Variants in CENPW observed in about 807,000 individuals in gnomAD.
The protein encoded by CENPW is cancer-up-regulated gene 2 protein.
Under a neutral mutation model 11.1 loss-of-function variants are expected in CENPW, and 3 were observed. That is an observed-to-expected ratio of 0.27 (90% CI 0.12 to 0.70). The LOEUF is 0.70. CENPW is among the 30% of genes least tolerant of loss of function. CENPW has a pLI of 0.77. For missense variants in CENPW, 100 were observed against 105.6 expected (o/e 0.95, Z 0.23); for synonymous variants, 38 against 42.0 (o/e 0.91, Z 0.37).
At chr6:126,374,120 A>T in the CENPW span, among the ~76,000 whole-genome samples, 1 of 152,156 alleles carries the variant, frequency 6.6e-6, no homozygotes, top group Non-Finnish European at 1.5e-5. Context: ...CTCTGTTGGG[A>T]AGAACAGCAT....
chr6:126,381,322 A>G, the CENPW span, among the ~76,000 whole-genome samples: 1 of 152,192 alleles, frequency 6.6e-6, no homozygotes, highest in Non-Finnish European at 1.5e-5. Flanking sequence ...TTACTAGGCA[A>G]GAGAACCTTA....
the CENPW span, among the ~76,000 whole-genome samples, chr6:126,413,243 A>G: frequency 3.3e-5 from 5 of 152,188 alleles, no homozygotes; most frequent in Non-Finnish European, 7.4e-5. Flanking sequence ...AAATCTCAAA[A>G]TAGATTCAAC....
the CENPW span, among the ~76,000 whole-genome samples, chr6:126,455,935 A>G: frequency 2.6e-5 from 4 of 151,270 alleles, no homozygotes; most frequent in African/African-American, 9.7e-5. Flanking sequence ...ACAGTGTCCT[A>G]GCTGAGAGTC....
the CENPW span, among the ~76,000 whole-genome samples, chr6:126,356,943 T>C: frequency 6.6e-6 from 1 of 152,222 alleles, no homozygotes; most frequent in Admixed American, 6.5e-5. Context: ...TTTTTAGTTT[T>C]AATTAGGTCC....
At chr6:126,370,062 G>C in the CENPW span, among the ~76,000 whole-genome samples, 1 of 152,120 alleles carries the variant, frequency 6.6e-6, no homozygotes, top group Admixed American at 6.5e-5. Context: ...TGTTTGCTGT[G>C]TCAAAGATCA....
chr6:126,471,298 ACTCT>A, the CENPW span, among the ~76,000 whole-genome samples: 1 of 149,816 alleles, frequency 6.7e-6, no homozygotes, highest in African/African-American at 2.5e-5. Flanking sequence ...CCCTGCATGC[ACTCT>A]CTCTCTCTCC....
At chr6:126,362,715 C>T in the CENPW span, among the ~76,000 whole-genome samples, 2 of 152,106 alleles carry the variant, frequency 1.3e-5, no homozygotes, top group African/African-American at 4.8e-5. Flanking sequence ...TGTTGATAAC[C>T]TTTCTAAGTC....
At chr6:126,395,170 C>T in the CENPW span, among the ~76,000 whole-genome samples, 2 of 152,002 alleles carry the variant, frequency 1.3e-5, no homozygotes, top group African/African-American at 2.4e-5. Context: ...CTTATATTTG[C>T]CCTTTTGAGG....
the CENPW span, among the ~76,000 whole-genome samples, chr6:126,408,376 A>G: frequency 6.6e-6 from 1 of 152,138 alleles, no homozygotes; most frequent in Non-Finnish European, 1.5e-5. Flanking sequence ...AGACAAGAGA[A>G]TGTGTGTAGG....
Position 126,346,300 on chromosome 6 carries a change from T to C in CENPW, c.222T>C (p.His74=), listed in dbSNP as rs774761011. The change falls in exon 2 of 3, where the codon CAT becomes CAC. Residue 74 remains histidine, a synonymous_variant. Transcript: ENST00000368328. The part of the protein sequence containing the change: ...ASKCRVINKE[H]VLAAAKVILK... ...AATGTAGAGTCATTAACAAGGAGCA[T>C]GTACTGGCCGCAGCAAAGGTAAAAT... 4 of 1,596,862 alleles carry C rather than the reference T, an allele frequency of 2.5e-6. No homozygotes were observed. The highest frequency in any genetic ancestry group is 2.6e-6 in the Non-Finnish European group (3 of 1,167,784).
At chr6:126,429,061 A>T in the CENPW span, among the ~76,000 whole-genome samples, 5 of 152,256 alleles carry the variant, frequency 3.3e-5, no homozygotes, top group East Asian at 9.6e-4. Context: ...ACAACAATTT[A>T]TTTAACCTGT....
At chr6:126,411,890 AC>A in the CENPW span, among the ~76,000 whole-genome samples, 1 of 143,240 alleles carries the variant, frequency 7.0e-6, no homozygotes, top group African/African-American at 2.6e-5. Context: ...CGTCCTTCCT[AC>A]CTTCCTTCCT....
chr6:126,341,159 A>G (rs1780300058), intron 1 of CENPW, among the ~76,000 whole-genome samples: 1 of 152,224 alleles, frequency 6.6e-6, no homozygotes, highest in Non-Finnish European at 1.5e-5. Flanking sequence ...CTGTCTTGAA[A>G]TAAATTCAGT....
the CENPW span, among the ~76,000 whole-genome samples, chr6:126,415,555 G>A: frequency 6.6e-6 from 1 of 152,150 alleles, no homozygotes; most frequent in South Asian, 2.1e-4. Flanking sequence ...TCAAACATAA[G>A]TGATATGGTT....
the CENPW span, among the ~76,000 whole-genome samples, chr6:126,478,013 A>C: frequency 6.6e-6 from 1 of 152,042 alleles, no homozygotes; most frequent in African/African-American, 2.4e-5. Flanking sequence ...ACTTGACCTA[A>C]GTAGTACTTA....
chr6:126,349,669 G>A (rs768422960), downstream of CENPW, among the ~76,000 whole-genome samples: 1 of 152,058 alleles, frequency 6.6e-6, no homozygotes, highest in Non-Finnish European at 1.5e-5. Flanking sequence ...GTATTCTGTA[G>A]TATGGAATTA....
At chr6:126,453,461 T>G in the CENPW span, among the ~76,000 whole-genome samples, 1 of 151,206 alleles carries the variant, frequency 6.6e-6, no homozygotes, top group Non-Finnish European at 1.5e-5. Flanking sequence ...AAACTAAGCT[T>G]CATAAGGGCA....
At chr6:126,477,151 C>T in the CENPW span, among the ~76,000 whole-genome samples, 1 of 151,830 alleles carries the variant, frequency 6.6e-6, no homozygotes, top group African/African-American at 2.4e-5. Context: ...TCTACATTAA[C>T]CTTAATTTTG....
At chr6:126,478,410 A>ATC in the CENPW span, among the ~76,000 whole-genome samples, 1,833 of 146,846 alleles carry the variant, frequency 0.012, 27 homozygotes, top group African/African-American at 0.038. Context: ...GTCTCTCTTT[A>ATC]TCTCTCTCTC....
Sources: gnomAD v4.1 joint callset for allele counts (sites outside exome capture counted in the v4.1 genomes callset) on GRCh38, gnomAD v4.1.1 for gene constraint, MANE v1.5 for transcripts, NCBI Gene and HGNC (gene_info 2026-07-23, HGNC 2026-07-21) for gene names.